Variants in GRID1 observed in about 807,000 individuals in gnomAD.
GRID1 encodes glutamate ionotropic receptor delta type subunit 1, also known as glutamate receptor ionotropic, delta-1.
In GRID1, 28 loss-of-function variants were observed where a neutral mutation model predicts 98.0. The ratio of observed to expected loss-of-function variants is 0.29; its 90% CI spans 0.21 to 0.39. The LOEUF (loss-of-function observed/expected upper bound fraction) is 0.39, where lower values mean the gene tolerates loss of function less well. GRID1 is among the 10% of genes least tolerant of loss of function. The pLI is 1.00. For synonymous variants in GRID1, 553 were observed against 538.5 expected (o/e 1.03, Z -0.37); for missense variants, 1,111 against 1,340.5 (o/e 0.83, Z 2.67).
At chr10:85,863,707 T>C (rs1843187734) in intron 6 of GRID1, among the ~76,000 whole-genome samples, 2 of 152,160 alleles carry the variant, frequency 1.3e-5, no homozygotes, top group Admixed American at 1.3e-4. Flanking sequence ...CCCCTATCAG[T>C]GGGGGAGAGG....
chr10:86,247,448 G>A (rs1846750576), intron 2 of GRID1, among the ~76,000 whole-genome samples: 2 of 152,158 alleles, frequency 1.3e-5, no homozygotes, highest in South Asian at 4.1e-4. Flanking sequence ...GGCTGGGTGG[G>A]TAGAAAGAGT....
chr10:86,164,253 T>C (rs1352919544), intron 3 of GRID1, among the ~76,000 whole-genome samples: 3 of 152,144 alleles, frequency 2.0e-5, no homozygotes, highest in Non-Finnish European at 4.4e-5. Flanking sequence ...CCCAGCGACC[T>C]GGAACAGCAG....
chr10:85,859,753 C>T (rs1321886648), intron 6 of GRID1, among the ~76,000 whole-genome samples: 1 of 152,192 alleles, frequency 6.6e-6, no homozygotes, highest in Non-Finnish European at 1.5e-5. Flanking sequence ...CCCCCATCTT[C>T]TCTCCAACCT....
chr10:85,725,160 C>A (rs182202245), intron 10 of GRID1, among the ~76,000 whole-genome samples: 1 of 152,286 alleles, frequency 6.6e-6, no homozygotes, highest in Non-Finnish European at 1.5e-5. Context: ...TTTCTCTTTT[C>A]TAAAACACTT....
intron 4 of GRID1, among the ~76,000 whole-genome samples, chr10:86,096,648 A>G (rs184266445): frequency 5.9e-5 from 9 of 152,334 alleles, no homozygotes; most frequent in African/African-American, 1.9e-4. Flanking sequence ...CAGCCAAAGA[A>G]GTGTGGCAGT....
intron 6 of GRID1, among the ~76,000 whole-genome samples, chr10:85,861,481 T>C (rs1843163533): frequency 6.6e-6 from 1 of 152,150 alleles, no homozygotes; most frequent in Non-Finnish European, 1.5e-5. Flanking sequence ...TCTCTGCCCC[T>C]AGGATGTTTC....
At chr10:86,245,641 G>A (rs1034123513) in intron 2 of GRID1, among the ~76,000 whole-genome samples, 2 of 152,220 alleles carry the variant, frequency 1.3e-5, no homozygotes, top group Non-Finnish European at 2.9e-5. Context: ...GGAACTGCCT[G>A]TGACAGTGCT....
chr10:85,840,120 C>A (rs1207005291), intron 8 of GRID1, among the ~76,000 whole-genome samples: 1 of 152,072 alleles, frequency 6.6e-6, no homozygotes, highest in Non-Finnish European at 1.5e-5. Flanking sequence ...AAATAGCCTA[C>A]CGACCCCAAA....
chr10:85,883,516 CTCTCTCTCTCTCTG>C (rs1208239538), intron 5 of GRID1, among the ~76,000 whole-genome samples: 1 of 150,496 alleles, frequency 6.6e-6, no homozygotes, highest in Admixed American at 6.6e-5. Flanking sequence ...CTCTGTCTCT[CTCTCTCTCTCTCTG>C]TCTCTCTCTC....
At chr10:85,629,931 C>T (rs1396771546) in intron 13 of GRID1, among the ~76,000 whole-genome samples, 6 of 152,106 alleles carry the variant, frequency 3.9e-5, no homozygotes, top group Non-Finnish European at 8.8e-5. Flanking sequence ...ATCTCACTGT[C>T]GGTCTAATTA....
intron 2 of GRID1, among the ~76,000 whole-genome samples, chr10:86,236,692 G>C (rs1184020721): frequency 6.6e-6 from 1 of 152,212 alleles, no homozygotes; most frequent in Non-Finnish European, 1.5e-5. Context: ...CGGGAGCACT[G>C]AGAATGGAGC....
At chr10:86,349,963 T>C (rs1446958130) in intron 2 of GRID1, among the ~76,000 whole-genome samples, 2 of 152,156 alleles carry the variant, frequency 1.3e-5, no homozygotes, top group South Asian at 4.2e-4. Flanking sequence ...GAAAAGAACA[T>C]TTTGGTAGAG....
At chr10:85,788,181 T>G (rs192361670) in intron 8 of GRID1, among the ~76,000 whole-genome samples, 2 of 152,220 alleles carry the variant, frequency 1.3e-5, no homozygotes, top group East Asian at 3.9e-4. Flanking sequence ...AATCAGGAAT[T>G]ATTGACTGCC....
chr10:85,780,659 C>A (rs915007778), intron 8 of GRID1, among the ~76,000 whole-genome samples: 2 of 152,154 alleles, frequency 1.3e-5, no homozygotes, highest in Non-Finnish European at 2.9e-5. Flanking sequence ...CACTTCTGAG[C>A]CAGCTTCCTG....
chr10:85,833,935 CAG>C (rs1842891542), intron 8 of GRID1, among the ~76,000 whole-genome samples: 2 of 152,068 alleles, frequency 1.3e-5, no homozygotes, highest in Non-Finnish European at 2.9e-5. Context: ...ATGTGACAAA[CAG>C]AGAGAAAACA....
At chr10:85,989,844 C>T (rs1842658357) in intron 4 of GRID1, among the ~76,000 whole-genome samples, 1 of 152,176 alleles carries the variant, frequency 6.6e-6, no homozygotes, top group Non-Finnish European at 1.5e-5. Context: ...AATCCTAACT[C>T]CCAAGACGAT....
chr10:85,854,605 G>T lies in GRID1; in HGVS notation c.1124C>A (p.Thr375Asn). The T allele has an allele frequency of 6.2e-7, 1 of 1,614,082 alleles. No homozygotes were observed. Among genetic ancestry groups the T allele is most frequent in the Non-Finnish European group, 8.5e-7 (1 of 1,179,906 alleles). The change falls in exon 8 of 16, where the codon ACT becomes AAT. Residue 375 changes from threonine (T) to asparagine (N), a missense_variant. Coordinates refer to ENST00000327946, the MANE Select transcript of GRID1 (RefSeq NM_017551.3). ...AAACTCCATCACCCCAGTGAGGCCA[G>T]TGATGTGGCCCTGCAGAAGAGGAGA... ...MLDTIKKGHITGLTGVMEFRE... is the reference protein window; with the variant it reads ...MLDTIKKGHINGLTGVMEFRE...
At chr10:85,918,907 A>G (rs1841661018) in intron 4 of GRID1, among the ~76,000 whole-genome samples, 1 of 152,212 alleles carries the variant, frequency 6.6e-6, no homozygotes, top group South Asian at 2.1e-4. Context: ...ATTCTTCAGC[A>G]ATGATTCTCC....
intron 4 of GRID1, among the ~76,000 whole-genome samples, chr10:85,976,872 T>C (rs1842479615): frequency 6.6e-6 from 1 of 152,220 alleles, no homozygotes; most frequent in Non-Finnish European, 1.5e-5. Context: ...CAGGAAAATA[T>C]ATCACATGGG....
Sources: allele counts gnomAD v4.1 joint callset (sites outside exome capture counted in the v4.1 genomes callset), GRCh38; gene constraint gnomAD v4.1.1; transcripts MANE v1.5; gene names NCBI Gene and HGNC (gene_info 2026-07-23, HGNC 2026-07-21).